The following KDELR2 variants were observed in gnomAD, a reference collection of about 807,000 sequenced individuals.
KDELR2 encodes ER lumen protein-retaining receptor 2.
Under a neutral mutation model 23.9 loss-of-function variants are expected in KDELR2, and 15 were observed. The ratio of observed to expected loss-of-function variants is 0.63; its 90% CI spans 0.42 to 0.97. The LOEUF (loss-of-function observed/expected upper bound fraction) is 0.97, where lower values mean the gene tolerates loss of function less well. Among genes scored for constraint, KDELR2 ranks in the 50% least tolerant of loss-of-function variants. The pLI is 0.00. For missense variants in KDELR2, 272 were observed against 254.6 expected, an observed-to-expected ratio of 1.07 and a Z score of -0.46; for synonymous variants, 119 against 106.2, an observed-to-expected ratio of 1.12 and a Z score of -0.74.
intron 1 of KDELR2, among the ~76,000 whole-genome samples, chr7:6,475,192 C>A (rs1562501572): frequency 6.6e-6 from 1 of 152,138 alleles, no homozygotes; most frequent in Non-Finnish European, 1.5e-5. Context: ...CCTATAATCT[C>A]CACATATAGG....
intron 4 of KDELR2, among the ~76,000 whole-genome samples, chr7:6,464,277 T>A (rs939136825): frequency 2.9e-5 from 4 of 136,740 alleles, no homozygotes; most frequent in Non-Finnish European, 6.1e-5. Flanking sequence ...TCCCAATACT[T>A]TGGGAGGCTG....
chr7:6,475,620 CCA>C (rs1785735004), intron 1 of KDELR2, among the ~76,000 whole-genome samples: 1 of 152,224 alleles, frequency 6.6e-6, no homozygotes, highest in African/African-American at 2.4e-5. Context: ...CATGGCACAG[CCA>C]CACTCAGCCA....
intron 1 of KDELR2, among the ~76,000 whole-genome samples, chr7:6,479,854 T>C (rs1785850732): frequency 6.6e-6 from 1 of 152,176 alleles, no homozygotes; most frequent in African/African-American, 2.4e-5. Flanking sequence ...GGGTGGTCAA[T>C]AAATGAGAGT....
At chr7:6,466,389 T>G in intron 3 of KDELR2, 66 bp from the exon 4 acceptor site, 19 of 1,571,340 alleles carry the variant, frequency 1.2e-5, no homozygotes, top group Non-Finnish European at 1.6e-5. Context: ...GGAAACACTC[T>G]TGCTTTCTTT....
At chr7:6,482,113 C>T (rs1398491676) in intron 1 of KDELR2, among the ~76,000 whole-genome samples, 1 of 152,168 alleles carries the variant, frequency 6.6e-6, no homozygotes, top group Non-Finnish European at 1.5e-5. Context: ...AGCAATTCTC[C>T]TGCCTCAGCC....
chr7:6,483,828 G>C, intron 1 of KDELR2, 139 bp downstream of exon 1: 1 of 567,836 alleles, frequency 1.8e-6, no homozygotes, highest in Non-Finnish European at 2.5e-6. Flanking sequence ...CCCCGGGTCC[G>C]GGCACCCGTT....
At chr7:6,477,928 T>A (rs187784339) in intron 1 of KDELR2, among the ~76,000 whole-genome samples, 9 of 152,256 alleles carry the variant, frequency 5.9e-5, no homozygotes, top group Admixed American at 3.3e-4. Context: ...TCATAATGTA[T>A]CAATTAAAAA....
chr7:6,474,805 A>G (rs1357715096), intron 1 of KDELR2, among the ~76,000 whole-genome samples: 1 of 152,164 alleles, frequency 6.6e-6, no homozygotes, highest in Non-Finnish European at 1.5e-5. Flanking sequence ...GTGGGACTAG[A>G]GGTGTGAACT....
chr7:6,471,656 G>C (rs1044039046), intron 2 of KDELR2, among the ~76,000 whole-genome samples: 2 of 152,188 alleles, frequency 1.3e-5, no homozygotes, highest in African/African-American at 2.4e-5. Context: ...ATGACATTAA[G>C]TGAGGGCCTA....
In KDELR2 at chr7:6,462,982, T is replaced by C; in HGVS notation, c.*159A>G. 1 of 1,613,864 alleles carries C rather than the reference T, an allele frequency of 6.2e-7. No homozygotes were observed. The highest frequency in any genetic ancestry group is 1.7e-5 in the Admixed American group (1 of 59,948). On this transcript the variant is annotated 3_prime_UTR_variant, in exon 5 of 5. Transcript: ENST00000258739. The stretch of plus-strand genomic sequence containing the variant: ...CAAGATGCATTAAACAGAAACCTTC[T>C]GGCTCTTTTCCTCTGCGTTTTTACA...
At chr7:6,482,971 C>G (rs1785935590) in intron 1 of KDELR2, among the ~76,000 whole-genome samples, 1 of 150,460 alleles carries the variant, frequency 6.6e-6, no homozygotes, top group Non-Finnish European at 1.5e-5. Context: ...ACACACTGCA[C>G]TCAAGCCTGG....
In KDELR2 at chr7:6,462,753, C is replaced by G; in HGVS notation, c.*388G>C. On this transcript the variant is annotated 3_prime_UTR_variant, in exon 5 of 5. Transcript: ENST00000258739. ...GAAGAATATATAATCTATCAACTGT[C>G]AAGGAGTACAATTTCATTGCAGACA... 6.4e-6 allele frequency: 3 copies of G among 466,376 alleles called. No homozygotes were observed. The highest frequency in any genetic ancestry group is 3.9e-5 in the Admixed American group (1 of 25,708). The allele number at this position is 466,376 out of a possible 1,614,324, so 28.9% of individuals were successfully genotyped here.
At chr7:6,481,241 C>T (rs902389818) in intron 1 of KDELR2, among the ~76,000 whole-genome samples, 5 of 151,620 alleles carry the variant, frequency 3.3e-5, no homozygotes, top group African/African-American at 1.2e-4. Context: ...TGGTGGCAAG[C>T]GCCTGTAGTC....
chr7:6,471,711 C>T (rs1431354037), intron 2 of KDELR2, among the ~76,000 whole-genome samples: 1 of 152,060 alleles, frequency 6.6e-6, no homozygotes, highest in East Asian at 1.9e-4. Flanking sequence ...CATTGGTGGT[C>T]CATTGTATGG....
intron 3 of KDELR2, among the ~76,000 whole-genome samples, chr7:6,467,769 A>C (rs902475930): frequency 6.6e-6 from 1 of 152,080 alleles, no homozygotes; most frequent in African/African-American, 2.4e-5. Flanking sequence ...AAAAAAAAAG[A>C]AAAGTCCAGG....
chr7:6,466,658 A>C (rs1187489603), intron 3 of KDELR2, among the ~76,000 whole-genome samples: 1 of 151,884 alleles, frequency 6.6e-6, no homozygotes, highest in Admixed American at 6.6e-5. Context: ...CATAATGCAG[A>C]ATCAGTAGGA....
At chr7:6,464,315 T>TC (rs1362133920) in intron 4 of KDELR2, among the ~76,000 whole-genome samples, 1 of 144,302 alleles carries the variant, frequency 6.9e-6, no homozygotes, top group African/African-American at 2.6e-5. Context: ...GGTTGGGAGT[T>TC]CAAGACCAGC....
At chr7:6,468,884 G>C (rs1436979450) in intron 3 of KDELR2, among the ~76,000 whole-genome samples, 1 of 151,976 alleles carries the variant, frequency 6.6e-6, no homozygotes. Flanking sequence ...CAAGTGATCT[G>C]CCCACCTCGG....
chr7:6,465,958 G>A (rs965002506), intron 4 of KDELR2, 113 bp downstream of exon 4: 1 of 1,074,448 alleles, frequency 9.3e-7, no homozygotes, highest in African/African-American at 1.6e-5. Flanking sequence ...AATCATGAAA[G>A]TGTTTCTCTG....
Sources: allele counts gnomAD v4.1 joint callset (sites outside exome capture counted in the v4.1 genomes callset), GRCh38; gene constraint gnomAD v4.1.1; transcripts MANE v1.5; gene names NCBI Gene and HGNC (gene_info 2026-07-23, HGNC 2026-07-21).